TCF7L1: variants seen among roughly 807,000 people sequenced by gnomAD.
The protein encoded by TCF7L1 is transcription factor 7 like 1.
A neutral mutation model predicts 63.7 loss-of-function variants in TCF7L1; 18 were observed. The ratio of observed to expected loss-of-function variants is 0.28; its 90% CI spans 0.20 to 0.42. The LOEUF (loss-of-function observed/expected upper bound fraction) is 0.42, where lower values mean the gene tolerates loss of function less well. Ranked by LOEUF, TCF7L1 falls within the 10% of genes least tolerant of loss-of-function variation. The probability of loss-of-function intolerance (pLI) is 1.00; values close to 1 mark genes in which losing one functional copy is unlikely to be tolerated. For missense variants in TCF7L1, 654 were observed against 779.3 expected, an observed-to-expected ratio of 0.84 and a Z score of 1.91; for synonymous variants, 355 against 340.9, an observed-to-expected ratio of 1.04 and a Z score of -0.46.
At chr2:85,284,075 A>G (rs1359342988) in intron 4 of TCF7L1, among the ~76,000 whole-genome samples, 3 of 152,186 alleles carry the variant, frequency 2.0e-5, no homozygotes, top group Non-Finnish European at 4.4e-5. Flanking sequence ...CAGTGGCACA[A>G]TCTTGGCTCA....
At chr2:85,302,012 CA>C (rs1399264331) in intron 4 of TCF7L1, among the ~76,000 whole-genome samples, 2 of 152,024 alleles carry the variant, frequency 1.3e-5, no homozygotes, top group East Asian at 1.9e-4. Flanking sequence ...CCTGTAATCC[CA>C]GCTACTCCAG....
In TCF7L1 at chr2:85,247,565, A is replaced by G. The variant is rs552557444; in HGVS notation, c.442-35930A>G. ...AACAAATGGACTTTTTTCTGCTAGC[A>G]CTATTTTAGGATTCACAGAAAATCC... is the stretch of plus-strand genomic sequence containing the variant. On this transcript the variant is annotated intron_variant, in intron 3 of 11. Transcript: ENST00000282111. Among the ~76,000 whole-genome samples the G allele has an allele frequency of 3.9e-5, 6 of 152,298 alleles. No individual in the cohort carries two copies. The South Asian group carries it at 1.2e-3, about 32-fold the overall frequency.
chr2:85,192,675 A>G, intron 3 of TCF7L1, among the ~76,000 whole-genome samples: 1 of 147,656 alleles, frequency 6.8e-6, no homozygotes, highest in East Asian at 2.0e-4. Context: ...GAGCCGTGGC[A>G]CCTGGCCTAA....
At chr2:85,281,717 C>T (rs1681424652) in intron 3 of TCF7L1, among the ~76,000 whole-genome samples, 1 of 152,108 alleles carries the variant, frequency 6.6e-6, no homozygotes, top group Non-Finnish European at 1.5e-5. Context: ...CACTTCCCAC[C>T]AGGTCTCCCG....
In TCF7L1 at chr2:85,133,996, C is replaced by G; in HGVS notation, c.250-20C>G. ...CCCTGCGTCCGCTCACCCGCTCTTG[C>G]CTTTGTGTCTCCTCCGCAGGCGGAG... On this transcript the variant is annotated intron_variant, in intron 1 of 11. Transcript: ENST00000282111. The surrounding 1 kb of genome is among the most constrained non-coding windows in gnomAD (Gnocchi z 4.4). The G allele has an allele frequency of 1.2e-6, 2 of 1,608,732 alleles. No homozygotes were observed. Among genetic ancestry groups the G allele is most frequent in the Non-Finnish European group, 1.7e-6 (2 of 1,177,814 alleles).
chr2:85,299,576 G>A (rs183119824), intron 4 of TCF7L1, among the ~76,000 whole-genome samples: 31 of 145,120 alleles, frequency 2.1e-4, no homozygotes, highest in African/African-American at 8.0e-4. Context: ...ATTTTATTTT[G>A]AGCCACTGAG....
chr2:85,294,896 T>C (rs1458379752), intron 4 of TCF7L1, among the ~76,000 whole-genome samples: 2 of 151,844 alleles, frequency 1.3e-5, no homozygotes, highest in Non-Finnish European at 2.9e-5. Flanking sequence ...TAGCCGGGCA[T>C]GGTGGCACAT....
At chr2:85,203,746 A>G (rs6706516) in intron 3 of TCF7L1, among the ~76,000 whole-genome samples, 3,731 of 152,112 alleles carry the variant, frequency 0.025, 154 homozygotes, top group African/African-American at 0.084. Context: ...GAAAAAAGAA[A>G]AAAAAAGGAA....
intron 3 of TCF7L1, among the ~76,000 whole-genome samples, chr2:85,226,049 C>T (rs988132177): frequency 2.6e-5 from 4 of 152,130 alleles, no homozygotes; most frequent in Admixed American, 2.6e-4. Flanking sequence ...TGGTTTTTGT[C>T]GTTGGTTCTG....
intron 3 of TCF7L1, among the ~76,000 whole-genome samples, chr2:85,282,703 G>T (rs1366538733): frequency 1.3e-5 from 2 of 151,978 alleles, no homozygotes; most frequent in Non-Finnish European, 1.5e-5. Context: ...GCCCAGAAGG[G>T]CCCTTCCCAG....
chr2:85,308,467 C>CT (rs2104393244), intron 11 of TCF7L1, among the ~76,000 whole-genome samples: 1 of 111,348 alleles, frequency 9.0e-6, no homozygotes, highest in Non-Finnish European at 1.8e-5. Context: ...CTCTCTTTCC[C>CT]TCCCTCTCCC....
At chr2:85,272,423 T>C (rs1194767828) in intron 3 of TCF7L1, among the ~76,000 whole-genome samples, 2 of 152,206 alleles carry the variant, frequency 1.3e-5, no homozygotes, top group African/African-American at 2.4e-5. Context: ...CGATAACATT[T>C]GGGTGACTAT....
In TCF7L1 at chr2:85,134,389, T is replaced by C; in HGVS notation, c.380T>C (p.Ile127Thr). Residue 127 changes from isoleucine (I) to threonine (T), a missense_variant, in exon 3 of 12, where the codon ATC (isoleucine) becomes ACC (threonine). Transcript: ENST00000282111. The surrounding 1 kb of genome is among the most constrained non-coding windows in gnomAD (Gnocchi z 5.0). ...TACCCTGGGTACCCCTTCCTGATGA[T>C]CCCGGACCTGAGCAGCCCGTACCTC... ...PPYPGYPFLMIPDLSSPYLSN... is the reference protein window; with the variant it reads ...PPYPGYPFLMTPDLSSPYLSN... The C allele has an allele frequency of 6.4e-7, 1 of 1,573,588 alleles. No homozygotes were observed. Among genetic ancestry groups the C allele is most frequent in the Non-Finnish European group, 8.6e-7 (1 of 1,158,810 alleles).
intron 3 of TCF7L1, among the ~76,000 whole-genome samples, chr2:85,141,220 C>CAG (rs10652685): frequency 0.72 from 109,560 of 151,948 alleles, 39,769 homozygotes; most frequent in East Asian, 0.93. Flanking sequence ...GGGTGACAGA[C>CAG]AGTGAGACCC....
chr2:85,139,348 C>T (rs1370055057), intron 3 of TCF7L1, among the ~76,000 whole-genome samples: 1 of 152,188 alleles, frequency 6.6e-6, no homozygotes, highest in East Asian at 1.9e-4. Context: ...TCTTAAACTT[C>T]TTCAACTGAA....
intron 3 of TCF7L1, among the ~76,000 whole-genome samples, chr2:85,146,202 A>G (rs1384345562): frequency 1.3e-5 from 2 of 152,216 alleles, no homozygotes; most frequent in African/African-American, 4.8e-5. Flanking sequence ...ATTCTTGTGC[A>G]TCTGATATTA....
At chr2:85,304,381 A>G in intron 7 of TCF7L1, 43 bp downstream of exon 7, 1 of 1,598,278 alleles carries the variant, frequency 6.3e-7, no homozygotes, top group Non-Finnish European at 8.6e-7. Context: ...TGTCTTAGCA[A>G]CCACGCCATT....
In TCF7L1 at chr2:85,261,123, GGTGTGTGTGT is replaced by G. The variant is rs3223762; in HGVS notation, c.442-22332_442-22323del. On this transcript the variant is annotated intron_variant, in intron 3 of 11. Coordinates refer to ENST00000282111, the MANE Select transcript of TCF7L1 (RefSeq NM_031283.3). ...TTCAATTACTTCCTCAATTATTGCT[GGTGTGTGTGT>G]GTGTGTGTGTGTGTGTGTGTGTGTG... Among the ~76,000 whole-genome samples, 328 of 106,770 alleles carry G rather than the reference GGTGTGTGTGT, an allele frequency of 3.1e-3. 1 individual carries two copies. Among genetic ancestry groups the G allele is most frequent in the African/African-American group, 8.5e-3 (264 of 31,160 alleles). 70.0% of individuals were successfully genotyped at this position (106,770 alleles called of 152,430 possible).
intron 3 of TCF7L1, among the ~76,000 whole-genome samples, chr2:85,159,001 G>A (rs1678218749): frequency 6.6e-6 from 1 of 152,230 alleles, no homozygotes; most frequent in African/African-American, 2.4e-5. Flanking sequence ...CCCCAGGCAA[G>A]TTGCTGTCTC....
Sources: allele counts gnomAD v4.1 joint callset (sites outside exome capture counted in the v4.1 genomes callset), GRCh38; gene constraint gnomAD v4.1.1; non-coding constraint Gnocchi (gnomAD v3.1); transcripts MANE v1.5; gene names NCBI Gene and HGNC (gene_info 2026-07-23, HGNC 2026-07-21).